Variants in MICAL2 observed in about 807,000 individuals in gnomAD.
MICAL2 encodes the protein microtubule associated monooxygenase, calponin and LIM domain containing 2.
In MICAL2, 77 loss-of-function variants were observed where a neutral mutation model predicts 127.3. The observed-to-expected ratio is 0.60, with a 90% confidence interval of 0.50 to 0.73. MICAL2 has a LOEUF of 0.73. MICAL2 is among the 30% of genes least tolerant of loss of function. MICAL2 has a pLI of 0.00. For missense variants in MICAL2, 1,351 were observed against 1,434.4 expected (o/e 0.94, Z 0.94); for synonymous variants, 570 against 551.1 (o/e 1.03, Z -0.48).
rs183517267 is a variant in MICAL2 at position 12,169,266 on chromosome 11, C to T, written c.264+6847C>T. On this transcript the variant is annotated intron_variant, in intron 3 of 27. Transcript: ENST00000683283. ...CTACACTGGTTCTGAACTTTTTTCACTGAAAAATATATCTTTGAGATTGCT... is the reference window on the plus strand; with the variant it reads ...CTACACTGGTTCTGAACTTTTTTCATTGAAAAATATATCTTTGAGATTGCT... Among the ~76,000 whole-genome samples, 436 of 152,144 alleles carry T rather than the reference C, an allele frequency of 2.9e-3. 2 individuals carry two copies. The highest frequency in any genetic ancestry group is 9.9e-3 in the African/African-American group (410 of 41,522).
chr11:12,345,536 C>G (rs1403772745), intron 32 of MICAL2, among the ~76,000 whole-genome samples: 2 of 152,122 alleles, frequency 1.3e-5, no homozygotes, highest in African/African-American at 4.8e-5. Flanking sequence ...GCAGAAATCT[C>G]AGGAGAAATG....
chr11:12,256,637 C>A, intron 23 of MICAL2, 148 bp from the exon 24 acceptor site: 1 of 718,108 alleles, frequency 1.4e-6, no homozygotes, highest in African/African-American at 1.8e-5. Context: ...ATCTTCCTAC[C>A]CCTCCCTCTT....
intron 29 of MICAL2, among the ~76,000 whole-genome samples, chr11:12,307,438 C>T (rs1401691079): frequency 6.6e-6 from 1 of 152,142 alleles, no homozygotes; most frequent in African/African-American, 2.4e-5. Flanking sequence ...ACGATGAAGT[C>T]AAATTTATTG....
intron 3 of MICAL2, among the ~76,000 whole-genome samples, chr11:12,198,003 A>G (rs953635706): frequency 3.9e-5 from 6 of 152,184 alleles, no homozygotes; most frequent in Non-Finnish European, 8.8e-5. Context: ...TACAGAAGAG[A>G]GTCTGGAGAT....
chr11:12,327,964 C>T (rs1170006304), intron 32 of MICAL2, among the ~76,000 whole-genome samples: 2 of 152,090 alleles, frequency 1.3e-5, no homozygotes, highest in Non-Finnish European at 2.9e-5. Flanking sequence ...CATTATAAAC[C>T]TTTATACTTT....
At chr11:12,306,626 T>C (rs185645545) in intron 29 of MICAL2, among the ~76,000 whole-genome samples, 1 of 152,342 alleles carries the variant, frequency 6.6e-6, no homozygotes, top group Non-Finnish European at 1.5e-5. Flanking sequence ...CCCTTTTCCA[T>C]ATTCCCAGTC....
At chr11:12,234,684 A>T (rs569350350) in intron 15 of MICAL2, among the ~76,000 whole-genome samples, 2 of 152,284 alleles carry the variant, frequency 1.3e-5, no homozygotes, top group African/African-American at 4.8e-5. Context: ...CAAACAAAAA[A>T]ATCTGGTGCT....
At chr11:12,174,967 C>CA (rs1472212597) in intron 3 of MICAL2, among the ~76,000 whole-genome samples, 1 of 151,524 alleles carries the variant, frequency 6.6e-6, no homozygotes, top group Non-Finnish European at 1.5e-5. Flanking sequence ...CAAAAAAATA[C>CA]AAAAAAGTAG....
chr11:12,278,231 G>A (rs377715261), intron 1 of MICAL2, among the ~76,000 whole-genome samples: 1 of 152,136 alleles, frequency 6.6e-6, no homozygotes, highest in East Asian at 1.9e-4. Flanking sequence ...CTGTAACTTT[G>A]TTACTTTCTA....
intron 2 of MICAL2, among the ~76,000 whole-genome samples, chr11:12,145,404 G>A (rs1291822421): frequency 1.3e-5 from 2 of 152,206 alleles, no homozygotes; most frequent in Non-Finnish European, 2.9e-5. Context: ...GACGAGTCCT[G>A]TTTTCAGGGC....
At position 12,226,224 on chromosome 11, in the gene MICAL2, T is replaced by C. The variant is rs1433003393; in HGVS notation, c.1742T>C (p.Phe581Ser). ...GCTGTGGAGAACAACCAGCTCGCAT[T>C]TGATGTGGCCGAGCGAGAGTTTGGG... ...DDAVENNQLA[F>S]DVAEREFGIP... The change falls in exon 14 of 28, where the codon TTT becomes TCT. Residue 581 changes from phenylalanine to serine, a missense_variant. Physicochemically the swap from Phe to Ser is radical, Grantham distance 155. Transcript: ENST00000683283. The C allele has an allele frequency of 6.2e-7, 1 of 1,614,264 alleles. No homozygotes were observed. Among genetic ancestry groups the C allele is most frequent in the Non-Finnish European group, 8.5e-7 (1 of 1,180,054 alleles).
intron 3 of MICAL2, among the ~76,000 whole-genome samples, chr11:12,170,398 C>T (rs776603491): frequency 3.9e-5 from 6 of 152,054 alleles, no homozygotes; most frequent in South Asian, 2.1e-4. Flanking sequence ...AGCAATAAGC[C>T]GTGATTGTGC....
chr11:12,131,486 T>C (rs1295581369), intron 1 of MICAL2, among the ~76,000 whole-genome samples: 1 of 152,142 alleles, frequency 6.6e-6, no homozygotes, highest in Admixed American at 6.5e-5. Flanking sequence ...CTTTCCTTCT[T>C]CTCTGCCTTT....
intron 2 of MICAL2, among the ~76,000 whole-genome samples, chr11:12,144,320 A>G (rs1473477875): frequency 6.6e-6 from 1 of 152,236 alleles, no homozygotes; most frequent in African/African-American, 2.4e-5. Flanking sequence ...TGTATTCATC[A>G]GGATGATGGG....
chr11:12,199,476 G>A (rs1192007206), intron 3 of MICAL2, among the ~76,000 whole-genome samples: 1 of 152,174 alleles, frequency 6.6e-6, no homozygotes, highest in East Asian at 1.9e-4. Flanking sequence ...TTCGGAAGTG[G>A]AAATGAAACC....
chr11:12,278,373 T>C (rs1207571300), intron 1 of MICAL2, among the ~76,000 whole-genome samples: 3 of 152,172 alleles, frequency 2.0e-5, no homozygotes, highest in Non-Finnish European at 4.4e-5. Flanking sequence ...GGCAGCACTG[T>C]AGGTTTTAAA....
chr11:12,135,279 C>T (rs1427405528), intron 1 of MICAL2, among the ~76,000 whole-genome samples: 2 of 152,156 alleles, frequency 1.3e-5, no homozygotes, highest in Admixed American at 6.5e-5. Context: ...ATGCAAGACA[C>T]ATTCTAAGCT....
chr11:12,262,329 G>T, intron 26 of MICAL2, 151 bp from the exon 27 acceptor site: 1 of 1,500,320 alleles, frequency 6.7e-7, no homozygotes, highest in Non-Finnish European at 8.8e-7. Flanking sequence ...AGCAAACAGC[G>T]ACTCTTTCAG....
At chr11:12,332,299 G>A (rs1470012196) in intron 32 of MICAL2, among the ~76,000 whole-genome samples, 2 of 152,214 alleles carry the variant, frequency 1.3e-5, no homozygotes, top group African/African-American at 2.4e-5. Flanking sequence ...TGGTTGCTGT[G>A]CATTCATAAG....
Sources: gnomAD v4.1 joint callset for allele counts (sites outside exome capture counted in the v4.1 genomes callset) on GRCh38, gnomAD v4.1.1 for gene constraint, MANE v1.5 for transcripts, NCBI Gene and HGNC (gene_info 2026-07-23, HGNC 2026-07-21) for gene names.